UBTF: variants seen among roughly 807,000 people sequenced by gnomAD.
UBTF encodes the protein nucleolar transcription factor 1.
In UBTF, 8 loss-of-function variants were observed where a neutral mutation model predicts 112.3. The observed-to-expected ratio is 0.07, with a 90% CI of 0.04 to 0.13. The LOEUF is 0.13. Among genes scored for constraint, UBTF ranks in the 10% least tolerant of loss-of-function variants. The pLI is 1.00. For missense variants in UBTF, 457 were observed against 982.1 expected (o/e 0.47, Z 7.15); for synonymous variants, 417 against 373.1 (o/e 1.12, Z -1.36).
rs1163937938 is a variant in UBTF, at chr17:44,205,370, C to T, written c.*1872G>A. On this transcript the variant is annotated 3_prime_UTR_variant, in exon 21 of 21. Transcript: ENST00000436088. ...AACAGGAAAGAAAAAGTGCCCCATTCAAAGTTGTTTTTAAATGAAAATACA... is the reference window on the plus strand; with the variant it reads ...AACAGGAAAGAAAAAGTGCCCCATTTAAAGTTGTTTTTAAATGAAAATACA... 6.6e-6 allele frequency: 1 copy of T among 152,630 alleles called. No individual in the cohort carries two copies. The highest frequency in any genetic ancestry group is 1.5e-5 in the Non-Finnish European group (1 of 68,034). 9.5% of individuals were successfully genotyped at this position (152,630 alleles called of 1,614,324 possible). A position where few individuals can be genotyped will look rare whatever the true frequency, so the allele number is the denominator to read the frequency against.
rs1261716700 is a variant in UBTF at position 44,211,524 on chromosome 17, C to A, written c.1047+82G>T. On this transcript the variant is annotated intron_variant, in intron 10 of 20. Coordinates refer to ENST00000436088, the MANE Select transcript of UBTF (RefSeq NM_014233.4). The surrounding 1 kb of genome is among the most constrained non-coding windows in gnomAD (Gnocchi z 4.9). ...GGAGGCAGGTACCCAAGGCACACGC[C>A]ACCAGGGACTGACTGGCCCAAGATG... 7.0e-6 allele frequency: 11 copies of A among 1,567,644 alleles called. No individual in the cohort carries two copies. The Admixed American group carries it at 1.9e-4, about 27-fold the overall frequency.
chr17:44,209,317 T>C (rs2056502326), intron 17 of UBTF, 35 bp downstream of exon 17: 1 of 1,559,706 alleles, frequency 6.4e-7, no homozygotes, highest in Non-Finnish European at 8.7e-7. Flanking sequence ...GTCTGATGCC[T>C]CTCTGTTCCT....
At chr17:44,216,053 C>A (rs2046828311) in intron 3 of UBTF, 64 bp from the exon 4 acceptor site, 3 of 1,299,812 alleles carry the variant, frequency 2.3e-6, no homozygotes, top group African/African-American at 2.9e-5. Context: ...CAGTAGTATA[C>A]CCCCATCTTA....
chr17:44,216,501 T>G, intron 3 of UBTF, 28 bp downstream of exon 3: 1 of 1,612,894 alleles, frequency 6.2e-7, no homozygotes, highest in Non-Finnish European at 8.5e-7. Flanking sequence ...GGGGTATGTG[T>G]GTATGTCAGA....
chr17:44,209,041 T>C lies in UBTF; in HGVS notation c.1905+311A>G, dbSNP rs1303132872. 2.1e-5 allele frequency: 7 copies of C among 332,154 alleles called. 1 individual carries two copies. Among genetic ancestry groups the C allele is most frequent in the South Asian group, 5.2e-5 (2 of 38,610 alleles). 20.6% of individuals were successfully genotyped at this position (332,154 alleles called of 1,614,324 possible). On this transcript the variant is annotated intron_variant, in intron 17 of 20. Transcript: ENST00000436088. ...AAAATTAGCCAGGTGTGGTGGTACA[T>C]GTCTGTAGCCCCAGCTACTCTGGAG...
chr17:44,216,310 G>T, intron 3 of UBTF: 1 of 625,704 alleles, frequency 1.6e-6, no homozygotes, highest in Non-Finnish European at 2.8e-6. Context: ...AGCTCAGGCT[G>T]TTTGGCTCAA....
chr17:44,212,270 G>A (rs2056735080), intron 8 of UBTF, 74 bp downstream of exon 8: 1 of 1,316,874 alleles, frequency 7.6e-7, no homozygotes, highest in Middle Eastern at 2.3e-4. Context: ...CTCCCGCAGA[G>A]TGCGGTGGCC....
At chr17:44,217,014 G>A (rs79400216) in intron 2 of UBTF, among the ~76,000 whole-genome samples, 1 of 152,214 alleles carries the variant, frequency 6.6e-6, no homozygotes, top group South Asian at 2.1e-4. Context: ...GTAAGGGGAA[G>A]AGGGGTGGAA....
Position 44,212,440 on chromosome 17 carries a change from C to T in UBTF, c.675G>A (p.Glu225=), listed in dbSNP as rs753828029. Residue 225 remains glutamate (E), a synonymous_variant, in exon 8 of 21, where the codon GAG becomes GAA. Coordinates refer to ENST00000436088, the MANE Select transcript of UBTF (RefSeq NM_014233.4). ...ACTGCTTCCCCAGGGAGTCCTTCACCTCCTTCGTAGTGGCCTGCAAACCAA... is the reference window on the plus strand; with the variant it reads ...ACTGCTTCCCCAGGGAGTCCTTCACTTCCTTCGTAGTGGCCTGCAAACCAA... The part of the protein sequence containing the change: ...LKVRPDATTK[E]VKDSLGKQWS... The T allele has an allele frequency of 1.1e-5, 18 of 1,611,474 alleles. No homozygotes were observed. Among genetic ancestry groups the T allele is most frequent in the Non-Finnish European group, 1.5e-5 (18 of 1,178,964 alleles).
upstream of UBTF, among the ~76,000 whole-genome samples, chr17:44,220,505 T>TAA (rs11427102): frequency 2.8e-4 from 41 of 148,570 alleles, no homozygotes; most frequent in East Asian, 6.1e-4. Context: ...ATACGAAACT[T>TAA]AAAAAAAAAC....
At chr17:44,208,092 A>ATTT (rs57107684) in intron 17 of UBTF, among the ~76,000 whole-genome samples, 181 bp from the exon 18 acceptor site, 7 of 118,002 alleles carry the variant, frequency 5.9e-5, no homozygotes, top group East Asian at 2.3e-4. Context: ...CACAGCTCTA[A>ATTT]TTTTTTTTTT....
upstream of UBTF, chr17:44,221,222 T>G (rs2047171881): frequency 6.6e-6 from 1 of 152,212 alleles, no homozygotes; most frequent in African/African-American, 2.4e-5. Flanking sequence ...CCGGGAGGGC[T>G]AGGGGTGGGG....
chr17:44,210,869 C>G lies in UBTF; in HGVS notation c.1282G>C (p.Glu428Gln). 6.3e-7 allele frequency: 1 copy of G among 1,585,000 alleles called. No individual in the cohort carries two copies. Among genetic ancestry groups the G allele is most frequent in the Non-Finnish European group, 8.6e-7 (1 of 1,165,726 alleles). ...SEEKRRQLQE[E>Q]RPELSESELT... ...TCGCTCTCGGAGAGCTCAGGCCGCTCCTCCTGCAGCTGCCGCCGTTTCTCC... is the reference window on the plus strand; with the variant it reads ...TCGCTCTCGGAGAGCTCAGGCCGCTGCTCCTGCAGCTGCCGCCGTTTCTCC... Residue 428 changes from glutamate (E) to glutamine (Q), a missense_variant, in exon 13 of 21, where the codon GAG becomes CAG. Physicochemically the swap from Glu to Gln is conservative, Grantham distance 29. Coordinates refer to ENST00000436088, the MANE Select transcript of UBTF (RefSeq NM_014233.4).
In UBTF at chr17:44,209,463, C is replaced by T. The variant is rs777978990; in HGVS notation, c.1794G>A (p.Val598=). The change falls in exon 17 of 21, where the codon GTG becomes GTA. Residue 598 remains valine, a synonymous_variant. Coordinates refer to ENST00000436088, the MANE Select transcript of UBTF (RefSeq NM_014233.4). ...LNHLPLKERM[V]EIGSRWQRIS... Reference sequence around the variant, plus strand: ...TGCGCTGCCAGCGACTGCCGATCTCCACCATGCGCTCCTTCAGCGGCAGGT... The same window carrying T: ...TGCGCTGCCAGCGACTGCCGATCTCTACCATGCGCTCCTTCAGCGGCAGGT... 1.2e-6 allele frequency: 2 copies of T among 1,614,088 alleles called. No homozygotes were observed. The highest frequency in any genetic ancestry group is 1.3e-5 in the African/African-American group (1 of 74,946).
Position 44,207,344 on chromosome 17 carries a change from T to G in UBTF, c.2193A>C (p.Glu731Asp), listed in dbSNP as rs759120812. 1.2e-6 allele frequency: 2 copies of G among 1,612,546 alleles called. No individual in the cohort carries two copies. Among genetic ancestry groups the G allele is most frequent in the South Asian group, 1.1e-5 (1 of 90,812 alleles). ...GDENEEDDEDEDDDEDDDEDE... is the reference protein window; with the variant it reads ...GDENEEDDEDDDDDEDDDEDE... ...CCTCATCGTCATCCTCGTCGTCGTC[T>G]TCGTCCTCGTCATCCTCTTCATTCT... The change falls in exon 21 of 21, where the codon GAA becomes GAC. Residue 731 changes from glutamate to aspartate, a missense_variant. Coordinates refer to ENST00000436088, the MANE Select transcript of UBTF (RefSeq NM_014233.4).
rs199983228 is a variant in UBTF, at chr17:44,207,649, C to G, written c.2025+50G>C. The G allele has an allele frequency of 1.5e-4, 240 of 1,614,140 alleles. 2 individuals are homozygous for G. The East Asian group carries it at 5.3e-3, about 36-fold the overall frequency. ...GTCTCTGGTCTCTGCCCAACCATTC[C>G]AGGCAGTGCCCCCCGCCCCACGCCC... On this transcript the variant is annotated intron_variant, in intron 19 of 20. Coordinates refer to ENST00000436088, the MANE Select transcript of UBTF (RefSeq NM_014233.4).
Position 44,207,027 on chromosome 17 carries a change from G to A in UBTF, c.*215C>T. 5 of 597,976 alleles carry A rather than the reference G, an allele frequency of 8.4e-6. No individual in the cohort carries two copies. The highest frequency in any genetic ancestry group is 1.5e-5 in the Non-Finnish European group (5 of 343,060). 37.0% of individuals were successfully genotyped at this position (597,976 alleles called of 1,614,324 possible). On this transcript the variant is annotated 3_prime_UTR_variant, in exon 21 of 21. Transcript: ENST00000436088. ...CTGATAGTTGCTGTCCCTGGAGGAG[G>A]ACCCCCAAGGGCTGATGTCTCTGAG... is the stretch of plus-strand genomic sequence containing the variant.
chr17:44,217,329 C>G (rs77766018), intron 2 of UBTF, among the ~76,000 whole-genome samples: 2,958 of 152,268 alleles, frequency 0.019, 106 homozygotes, highest in African/African-American at 0.068. Flanking sequence ...CAGGGCAGCT[C>G]TGAGGCAAGG....
intron 15 of UBTF, among the ~76,000 whole-genome samples, 170 bp downstream of exon 15, chr17:44,209,927 TGCTCGCATCCTCCGAGTCAGCCTGGAG>T (rs1301137957): frequency 9.2e-5 from 14 of 152,180 alleles, no homozygotes; most frequent in Non-Finnish European, 1.8e-4. Context: ...CTTTCACAAC[TGCTCGCATCCTCCGAGTCAGCCTGGAG>T]GTTAGCAATG....
Sources: allele counts gnomAD v4.1 joint callset (sites outside exome capture counted in the v4.1 genomes callset), GRCh38; gene constraint gnomAD v4.1.1; non-coding constraint Gnocchi (gnomAD v3.1); transcripts MANE v1.5; gene names NCBI Gene and HGNC (gene_info 2026-07-23, HGNC 2026-07-21).